RIMBP2: variants seen among roughly 807,000 people sequenced by gnomAD.
The protein encoded by RIMBP2 is RIMS binding protein 2, also known as RIMS-binding protein 2.
RIMBP2 carries 48 observed loss-of-function variants against 118.6 expected under a neutral mutation model. That is an observed-to-expected ratio of 0.40 (90% CI 0.32 to 0.51). The LOEUF is 0.51. Among genes scored for constraint, RIMBP2 ranks in the 20% least tolerant of loss-of-function variants. The probability of loss-of-function intolerance (pLI) is 0.41; values close to 1 mark genes in which losing one functional copy is unlikely to be tolerated. For synonymous variants in RIMBP2, 762 were observed against 742.9 expected (o/e 1.03, Z -0.42); for missense variants, 1,551 against 1,768.3 (o/e 0.88, Z 2.20).
intron 4 of RIMBP2, among the ~76,000 whole-genome samples, chr12:130,495,450 T>C (rs917252364): frequency 6.6e-6 from 1 of 152,152 alleles, no homozygotes; most frequent in Non-Finnish European, 1.5e-5. Flanking sequence ...CTAACAGACA[T>C]GTGCAGGGTG....
chr12:130,508,589 C>T lies in RIMBP2; in HGVS notation c.-126-1819G>A, dbSNP rs569341553. On this transcript the variant is annotated intron_variant, in intron 3 of 22. Transcript: ENST00000690449. ...TCCCAACCCTTGCAAGGTGACGAAACCCTTGCCTTCACCCCCTGCCTCCAT... is the reference window on the plus strand; with the variant it reads ...TCCCAACCCTTGCAAGGTGACGAAATCCTTGCCTTCACCCCCTGCCTCCAT... Among the ~76,000 whole-genome samples the T allele has an allele frequency of 2.0e-5, 3 of 152,076 alleles. No individual in the cohort carries two copies. The South Asian group carries it at 6.2e-4, about 32-fold the overall frequency.
At chr12:130,681,323 A>T (rs1158848569) in intron 1 of RIMBP2, among the ~76,000 whole-genome samples, 1 of 152,148 alleles carries the variant, frequency 6.6e-6, no homozygotes, top group East Asian at 1.9e-4. Flanking sequence ...CTTTTTACAA[A>T]TTTTTTGTAA....
chr12:130,670,339 A>G lies in RIMBP2; in HGVS notation c.-351-41883T>C, dbSNP rs888454843. Among the ~76,000 whole-genome samples the G allele has an allele frequency of 6.6e-6, 1 of 152,160 alleles. No homozygotes were observed. The highest frequency in any genetic ancestry group is 1.5e-5 in the Non-Finnish European group (1 of 68,022). ...TGATGGACGTTCTAGGAAGGCATGGAGAAGCGGATCTTCCCGGCAGCCACC... is the reference window on the plus strand; with the variant it reads ...TGATGGACGTTCTAGGAAGGCATGGGGAAGCGGATCTTCCCGGCAGCCACC... On this transcript the variant is annotated intron_variant, in intron 1 of 22. Coordinates refer to ENST00000690449, the MANE Select transcript of RIMBP2 (RefSeq NM_001393629.1). The surrounding 1 kb of genome is among the most constrained non-coding windows in gnomAD (Gnocchi z 4.9).
intron 2 of RIMBP2, among the ~76,000 whole-genome samples, chr12:130,546,330 C>G (rs758919578): frequency 6.6e-6 from 1 of 152,106 alleles, no homozygotes; most frequent in Non-Finnish European, 1.5e-5. Flanking sequence ...GAATCTCGCT[C>G]TGTCGCCCAG....
intron 16 of RIMBP2, among the ~76,000 whole-genome samples, chr12:130,423,234 A>G (rs1010483370): frequency 1.3e-5 from 2 of 152,200 alleles, no homozygotes; most frequent in African/African-American, 4.8e-5. Flanking sequence ...GGAAGTTCTC[A>G]GGAACACAGG....
chr12:130,462,822 C>G (rs1453972055), intron 6 of RIMBP2, among the ~76,000 whole-genome samples: 1 of 152,234 alleles, frequency 6.6e-6, no homozygotes, highest in Non-Finnish European at 1.5e-5. Flanking sequence ...TCCACCAGCA[C>G]GTGCTCCGTA....
In RIMBP2 at chr12:130,645,165, C is replaced by G. The variant is rs184793198; in HGVS notation, c.-351-16709G>C. ...AGTGCAGTGGCGCAATCTTGGCTCA[C>G]TGCAGCCTCCGTCCACCTCCCAGGT... On this transcript the variant is annotated intron_variant, in intron 1 of 22. Transcript: ENST00000690449. Among the ~76,000 whole-genome samples the G allele has an allele frequency of 3.0e-3, 453 of 151,866 alleles. 4 individuals are homozygous for G. Among genetic ancestry groups the G allele is most frequent in the African/African-American group, 0.01 (426 of 41,390 alleles).
chr12:130,667,143 GA>G (rs1327261142), intron 1 of RIMBP2, among the ~76,000 whole-genome samples: 10 of 53,870 alleles, frequency 1.9e-4, no homozygotes, highest in Non-Finnish European at 3.4e-4. Context: ...GAGAGGGAGG[GA>G]AGGGAGGAAG....
At chr12:130,500,562 GAATGATCACTATT>G (rs2049656567) in intron 4 of RIMBP2, among the ~76,000 whole-genome samples, 2 of 152,314 alleles carry the variant, frequency 1.3e-5, no homozygotes, top group Non-Finnish European at 2.9e-5. Flanking sequence ...TAGCTAAATT[GAATGATCACTATT>G]AAGACAGGCG....
At chr12:130,500,293 A>C (rs1328526239) in intron 4 of RIMBP2, among the ~76,000 whole-genome samples, 2 of 152,146 alleles carry the variant, frequency 1.3e-5, no homozygotes, top group Non-Finnish European at 2.9e-5. Context: ...CCCCATCTCT[A>C]CTAAAAATAC....
At chr12:130,591,858 C>A (rs1243708362) in intron 2 of RIMBP2, among the ~76,000 whole-genome samples, 2 of 152,194 alleles carry the variant, frequency 1.3e-5, no homozygotes, top group African/African-American at 4.8e-5. Context: ...CAGATAGAGA[C>A]ACTAAAAATC....
intron 11 of RIMBP2, among the ~76,000 whole-genome samples, chr12:130,439,603 GTTT>G (rs1258683182): frequency 8.4e-6 from 1 of 118,486 alleles, no homozygotes; most frequent in African/African-American, 3.3e-5. Context: ...GTGGGGGTGT[GTTT>G]TTGTGTATGT....
chr12:130,667,088 G>GAGGGAGGA (rs2063970668), intron 1 of RIMBP2, among the ~76,000 whole-genome samples: 1 of 112,022 alleles, frequency 8.9e-6, no homozygotes, highest in Admixed American at 8.3e-5. Flanking sequence ...AAAAATGAGG[G>GAGGGAGGA]AGGGAGGATG....
At chr12:130,532,548 C>T (rs2053554705) in intron 2 of RIMBP2, among the ~76,000 whole-genome samples, 1 of 147,682 alleles carries the variant, frequency 6.8e-6, no homozygotes, top group Non-Finnish European at 1.5e-5. Flanking sequence ...TGTGTGTAGC[C>T]TCTAGGAGTT....
At chr12:130,542,882 C>A (rs2139581719) in intron 2 of RIMBP2, among the ~76,000 whole-genome samples, 1 of 152,348 alleles carries the variant, frequency 6.6e-6, no homozygotes, top group African/African-American at 2.4e-5. Context: ...AAGTCATGGT[C>A]TACATTTCCA....
In RIMBP2 at chr12:130,523,618, G is replaced by C. The variant is rs2052419878; in HGVS notation, c.-216-5701C>G. ...GCTTCTCTGGGGGAGAAACTGACAAGAGAAAGGAAAAAGCACGTTCTTTCA... is the reference window on the plus strand; with the variant it reads ...GCTTCTCTGGGGGAGAAACTGACAACAGAAAGGAAAAAGCACGTTCTTTCA... On this transcript the variant is annotated intron_variant, in intron 2 of 22. Transcript: ENST00000690449. The surrounding 1 kb of genome is among the most constrained non-coding windows in gnomAD (Gnocchi z 4.4). 6.6e-6 allele frequency among the ~76,000 whole-genome samples: 1 copy of C among 152,116 alleles called. No homozygotes were observed. The highest frequency in any genetic ancestry group is 2.1e-4 in the South Asian group (1 of 4,830).
Position 130,475,974 on chromosome 12 carries a change from C to A in RIMBP2, c.102+2938G>T, listed in dbSNP as rs2081389527. ...GCATCGTCTGGCTTCCGGGTCTAAACCCGGGAGTTACCACGCAGAGGTGGT... is the reference window on the plus strand; with the variant it reads ...GCATCGTCTGGCTTCCGGGTCTAAAACCGGGAGTTACCACGCAGAGGTGGT... On this transcript the variant is annotated intron_variant, in intron 5 of 22. Coordinates refer to ENST00000690449, the MANE Select transcript of RIMBP2 (RefSeq NM_001393629.1). This position sits in a 1 kb window ranked among gnomAD's most constrained non-coding sequence, Gnocchi z 4.1. Among the ~76,000 whole-genome samples the A allele has an allele frequency of 6.6e-6, 1 of 151,968 alleles. No homozygotes were observed.
At chr12:130,583,653 C>G (rs1207792236) in intron 2 of RIMBP2, among the ~76,000 whole-genome samples, 1 of 151,448 alleles carries the variant, frequency 6.6e-6, no homozygotes, top group East Asian at 1.9e-4. Flanking sequence ...GCATCACCAT[C>G]ACCAACACAT....
chr12:130,500,989 C>T (rs1462467955), intron 4 of RIMBP2, among the ~76,000 whole-genome samples: 1 of 152,172 alleles, frequency 6.6e-6, no homozygotes, highest in Non-Finnish European at 1.5e-5. Context: ...AGCTCTCCCA[C>T]CCGAGCATCC....
Sources: gnomAD v4.1 joint callset for allele counts (sites outside exome capture counted in the v4.1 genomes callset) on GRCh38, gnomAD v4.1.1 for gene constraint, Gnocchi (gnomAD v3.1) non-coding constraint, MANE v1.5 for transcripts, NCBI Gene and HGNC (gene_info 2026-07-23, HGNC 2026-07-21) for gene names.